The following CMTM4 variants were observed in gnomAD, a reference collection of about 807,000 sequenced individuals.
The protein encoded by CMTM4 is CKLF like MARVEL transmembrane domain containing 4.
CMTM4 carries 8 observed loss-of-function variants against 19.0 expected under a neutral mutation model. The observed-to-expected ratio is 0.42, with a 90% CI of 0.25 to 0.76. The LOEUF (loss-of-function observed/expected upper bound fraction) is 0.76, where lower values mean the gene tolerates loss of function less well. CMTM4 is among the 30% of genes least tolerant of loss of function. The pLI is 0.27. For synonymous variants in CMTM4, 106 were observed against 121.1 expected, an observed-to-expected ratio of 0.88 and a Z score of 0.82; for missense variants, 228 against 290.2, an observed-to-expected ratio of 0.79 and a Z score of 1.56.
At chr16:66,625,162 C>T (rs985477059) in intron 2 of CMTM4, among the ~76,000 whole-genome samples, 31 of 152,078 alleles carry the variant, frequency 2.0e-4, no homozygotes, top group Admixed American at 5.9e-4. Flanking sequence ...AGGCCGGGCA[C>T]GGTGGCTCAT....
downstream of CMTM4, chr16:66,612,764 C>T (rs767510176): frequency 2.4e-5 from 21 of 885,220 alleles, no homozygotes; most frequent in East Asian, 5.2e-5. The surrounding 1 kb of genome is among the most constrained non-coding windows in gnomAD (Gnocchi z 6.0). Context: ...ACACAGCAGG[C>T]CCCCTACAGC....
At chr16:66,651,100 A>G (rs945686095) in intron 1 of CMTM4, among the ~76,000 whole-genome samples, 3 of 152,220 alleles carry the variant, frequency 2.0e-5, no homozygotes, top group African/African-American at 7.2e-5. Flanking sequence ...AGACCTCAGA[A>G]TGTGCAGAAC....
intron 1 of CMTM4, among the ~76,000 whole-genome samples, chr16:66,663,407 G>A (rs1024165009): frequency 6.6e-6 from 1 of 151,144 alleles, no homozygotes; most frequent in African/African-American, 2.5e-5. Flanking sequence ...TCAGGAGGCT[G>A]AAGCGGGAGG....
rs768788562 is a variant in CMTM4 at position 66,623,485 on chromosome 16, T to C, written c.381A>G (p.Gly127=). 2.5e-6 allele frequency: 4 copies of C among 1,612,322 alleles called. No homozygotes were observed. The highest frequency in any genetic ancestry group is 3.4e-6 in the Non-Finnish European group (4 of 1,179,224). The stretch of plus-strand genomic sequence containing the variant: ...CAATAAAGAAAAGGAAAGCGCTGAG[T>C]CCAGTGTTGACCAAATCCTAAAGGG... ...NWNLTDLVNT[G]LSAFLFFIAS... is the part of the protein sequence containing the mutation. Residue 127 remains glycine (G), a synonymous_variant, in exon 3 of 4, where the codon GGA becomes GGG. Transcript: ENST00000394106.
chr16:66,651,384 C>G (rs1489184647), intron 1 of CMTM4, among the ~76,000 whole-genome samples: 1 of 152,156 alleles, frequency 6.6e-6, no homozygotes, highest in Non-Finnish European at 1.5e-5. Flanking sequence ...AATAGTTCTG[C>G]AATGCCAGGC....
chr16:66,642,048 C>T (rs1026135532), intron 1 of CMTM4, among the ~76,000 whole-genome samples: 5 of 152,178 alleles, frequency 3.3e-5, no homozygotes, highest in Admixed American at 6.5e-5. Flanking sequence ...TAGATGGTTT[C>T]TAATACTCTG....
At chr16:66,642,286 T>C (rs930550559) in intron 1 of CMTM4, among the ~76,000 whole-genome samples, 2 of 152,254 alleles carry the variant, frequency 1.3e-5, no homozygotes, top group African/African-American at 2.4e-5. Context: ...GAACAAATTA[T>C]ACAGAGATGT....
At chr16:66,669,173 A>T (rs1261072391) in intron 1 of CMTM4, among the ~76,000 whole-genome samples, 1 of 152,226 alleles carries the variant, frequency 6.6e-6, no homozygotes, top group Non-Finnish European at 1.5e-5. Flanking sequence ...CTATTCATAA[A>T]ATACAACATG....
chr16:66,623,984 C>T (rs552881643), intron 2 of CMTM4, among the ~76,000 whole-genome samples: 1 of 152,358 alleles, frequency 6.6e-6, no homozygotes, highest in Non-Finnish European at 1.5e-5. Flanking sequence ...TTTCAAGCCT[C>T]TATGTCACTA....
the CMTM4 span, among the ~76,000 whole-genome samples, chr16:66,601,617 G>A: frequency 2.0e-5 from 3 of 152,242 alleles, no homozygotes; most frequent in African/African-American, 4.8e-5. Flanking sequence ...TGGCCCAAAG[G>A]TGGGGCCTCA....
the CMTM4 span, among the ~76,000 whole-genome samples, chr16:66,602,809 A>C: frequency 6.6e-6 from 1 of 151,932 alleles, no homozygotes; most frequent in East Asian, 2.0e-4. Context: ...AGCCTCCCAA[A>C]ATGCTGGAAT....
intron 1 of CMTM4, among the ~76,000 whole-genome samples, chr16:66,682,250 T>G (rs1326078635): frequency 6.6e-6 from 1 of 152,238 alleles, no homozygotes; most frequent in East Asian, 1.9e-4. Flanking sequence ...GATTTAACTT[T>G]CAAGTTATTT....
chr16:66,633,335 AC>A (rs2144805436), intron 2 of CMTM4, among the ~76,000 whole-genome samples: 1 of 151,748 alleles, frequency 6.6e-6, no homozygotes, highest in East Asian at 1.9e-4. Flanking sequence ...TACCAATCAC[AC>A]CCTATTTTAA....
At chr16:66,677,429 G>C (rs1214426645) in intron 1 of CMTM4, among the ~76,000 whole-genome samples, 1 of 152,226 alleles carries the variant, frequency 6.6e-6, no homozygotes, top group East Asian at 1.9e-4. Flanking sequence ...GTTATTGTGG[G>C]GAACAAGAGC....
intron 1 of CMTM4, among the ~76,000 whole-genome samples, chr16:66,681,012 C>G (rs1318182692): frequency 5.3e-5 from 8 of 152,108 alleles, no homozygotes; most frequent in Admixed American, 5.2e-4. Flanking sequence ...GTAAGCCACA[C>G]ATGCAACTGA....
chr16:66,609,893 T>G, downstream of CMTM4: 1 of 1,614,172 alleles, frequency 6.2e-7, no homozygotes, highest in East Asian at 2.2e-5. This position sits in a 1 kb window ranked among gnomAD's most constrained non-coding sequence, Gnocchi z 4.4. Context: ...GTGTTTGGCT[T>G]CTTTGCTACC....
chr16:66,640,254 C>G (rs967725016), intron 1 of CMTM4, among the ~76,000 whole-genome samples: 1 of 152,068 alleles, frequency 6.6e-6, no homozygotes. Flanking sequence ...GAGCTGAGAT[C>G]GCGCCACTAC....
Position 66,618,967 on chromosome 16 carries a change from T to G in CMTM4, c.*3091A>C. ...TCAGCTCACATTGCCAAGGAAGATG[T>G]GTATTGGGGCTGTGCAGGCTGCCAC... is the stretch of plus-strand genomic sequence containing the variant. On this transcript the variant is annotated 3_prime_UTR_variant, in exon 4 of 4. Coordinates refer to ENST00000394106, the MANE Select transcript of CMTM4 (RefSeq NM_181521.3). 1.0e-6 allele frequency: 1 copy of G among 985,504 alleles called. No individual in the cohort carries two copies. Among genetic ancestry groups the G allele is most frequent in the Non-Finnish European group, 1.2e-6 (1 of 829,966 alleles). The allele number at this position is 985,504 out of a possible 1,614,324, so 61.0% of individuals were successfully genotyped here. A position where few individuals can be genotyped will look rare whatever the true frequency, so the allele number is the denominator to read the frequency against.
At chr16:66,648,988 GA>G (rs2016258463) in intron 1 of CMTM4, among the ~76,000 whole-genome samples, 1 of 152,124 alleles carries the variant, frequency 6.6e-6, no homozygotes, top group Admixed American at 6.5e-5. Flanking sequence ...AAAAGAAAAG[GA>G]AAAGGAAAAG....
Sources: allele counts gnomAD v4.1 joint callset (sites outside exome capture counted in the v4.1 genomes callset), GRCh38; gene constraint gnomAD v4.1.1; non-coding constraint Gnocchi (gnomAD v3.1); transcripts MANE v1.5; gene names NCBI Gene and HGNC (gene_info 2026-07-23, HGNC 2026-07-21).